Variants in FREM3 observed in about 807,000 individuals in gnomAD.
FREM3 encodes the protein FRAS1-related extracellular matrix protein 3.
Under a neutral mutation model 129.1 loss-of-function variants are expected in FREM3, and 105 were observed. That is an observed-to-expected ratio of 0.81 (90% confidence interval 0.69 to 0.96). The LOEUF (loss-of-function observed/expected upper bound fraction) is 0.96. Among genes scored for constraint, FREM3 ranks in the 40% least tolerant of loss-of-function variants. The pLI is 0.00. For synonymous variants in FREM3, 1,014 were observed against 1,044.9 expected (o/e 0.97, Z 0.57); for missense variants, 2,593 against 2,666.3 (o/e 0.97, Z 0.61).
intron 4 of FREM3, among the ~76,000 whole-genome samples, chr4:143,623,545 G>A (rs1432518680): frequency 7.1e-6 from 1 of 141,754 alleles, no homozygotes; most frequent in Non-Finnish European, 1.5e-5. Context: ...CAAAAAAAGG[G>A]GCAGCAAGCA....
At position 143,699,213 on chromosome 4, in the gene FREM3, G is replaced by C; in HGVS notation, c.1463C>G (p.Ala488Gly). Residue 488 changes from alanine to glycine, a missense_variant, in exon 1 of 8, where the codon GCT (alanine) becomes GGT (glycine). By Grantham distance (60) the Ala-to-Gly change is moderately conservative. Around this residue, in one of 2 missense-constraint regions of FREM3, gnomAD observed 2,276 missense variants for 2,267.2 expected, o/e 1.00. Transcript: ENST00000329798. The surrounding 1 kb of genome is among the most constrained non-coding windows in gnomAD (Gnocchi z 4.2). ...HGQLVVFGAP[A>G]GCKYFTPADL... The stretch of plus-strand genomic sequence containing the variant: ...CGCTGGTGTGAAATACTTGCACCCA[G>C]CAGGTGCCCCAAACACCACCAGCTG... 6.5e-7 allele frequency: 1 copy of C among 1,537,282 alleles called. No individual in the cohort carries two copies. Among genetic ancestry groups the C allele is most frequent in the East Asian group, 2.4e-5 (1 of 40,912 alleles).
At chr4:143,653,208 C>A (rs2149849467) in intron 2 of FREM3, among the ~76,000 whole-genome samples, 1 of 152,208 alleles carries the variant, frequency 6.6e-6, no homozygotes, top group East Asian at 1.9e-4. Context: ...CCAAGCCCAA[C>A]TTAGCTAGAG....
intron 6 of FREM3, 72 bp downstream of exon 6, chr4:143,611,207 C>G (rs1738749079): frequency 6.9e-7 from 1 of 1,443,210 alleles, no homozygotes; most frequent in Non-Finnish European, 9.2e-7. Flanking sequence ...GCTACATTTG[C>G]CTTTCAACTG....
At chr4:143,605,173 T>A (rs11935152) in intron 6 of FREM3, among the ~76,000 whole-genome samples, 59,860 of 151,852 alleles carry the variant, frequency 0.39, 12,110 homozygotes, top group Middle Eastern at 0.45. Flanking sequence ...GTAATTTTCT[T>A]CCTTTCTTTG....
In FREM3 at chr4:143,696,333, AGATTGTTGGTAAGG is replaced by A; in HGVS notation, c.4329_4342del (p.Leu1444AlafsTer5). The A allele has an allele frequency of 6.5e-7, 1 of 1,537,474 alleles. No individual in the cohort carries two copies. Among genetic ancestry groups the A allele is most frequent in the African/African-American group, 1.4e-5 (1 of 73,176 alleles). ...GCTGTTGATGTCACTGTTGGTAAGC[AGATTGTTGGTAAGG>A]GTCACTCTGGCACCTTCTATCAAGG... is the stretch of plus-strand genomic sequence containing the variant. On this transcript the variant is annotated frameshift_variant, in exon 1 of 8. Coordinates refer to ENST00000329798, the MANE Select transcript of FREM3 (RefSeq NM_001168235.2). LOFTEE classifies it high-confidence loss of function.
At chr4:143,616,252 A>T (rs892770638) in intron 5 of FREM3, among the ~76,000 whole-genome samples, 1 of 152,212 alleles carries the variant, frequency 6.6e-6, no homozygotes, top group South Asian at 2.1e-4. Flanking sequence ...ACATGTTCTG[A>T]TAAACAGAAA....
At chr4:143,663,801 T>C (rs1014398951) in intron 2 of FREM3, among the ~76,000 whole-genome samples, 6 of 152,118 alleles carry the variant, frequency 3.9e-5, no homozygotes, top group African/African-American at 1.4e-4. Flanking sequence ...TTCTTTTTTC[T>C]CTAAACTTCC....
intron 6 of FREM3, among the ~76,000 whole-genome samples, chr4:143,603,528 C>A (rs1416096558): frequency 1.3e-5 from 2 of 152,108 alleles, no homozygotes; most frequent in Admixed American, 1.3e-4. Flanking sequence ...CCATTTAATA[C>A]ATTCTGTAGC....
intron 6 of FREM3, among the ~76,000 whole-genome samples, chr4:143,594,014 G>T (rs1162615312): frequency 6.6e-6 from 1 of 152,210 alleles, no homozygotes; most frequent in East Asian, 1.9e-4. Context: ...TGTGGGCGTA[G>T]GACCCTCTGA....
intron 7 of FREM3, among the ~76,000 whole-genome samples, chr4:143,581,289 A>C (rs1444742273): frequency 2.0e-5 from 3 of 152,200 alleles, no homozygotes; most frequent in African/African-American, 7.2e-5. Flanking sequence ...TCCCAGAGAC[A>C]ATGCAAAACC....
At chr4:143,632,024 G>T (rs1283405354) in intron 2 of FREM3, among the ~76,000 whole-genome samples, 3 of 152,116 alleles carry the variant, frequency 2.0e-5, no homozygotes, top group African/African-American at 7.2e-5. Flanking sequence ...AATAAAAAAT[G>T]TGTTAATGCA....
intron 2 of FREM3, among the ~76,000 whole-genome samples, chr4:143,669,624 T>G (rs532630624): frequency 6.7e-6 from 1 of 149,662 alleles, no homozygotes; most frequent in Non-Finnish European, 1.5e-5. Flanking sequence ...TATGTAACAC[T>G]AATACATGTA....
intron 6 of FREM3, among the ~76,000 whole-genome samples, chr4:143,586,593 G>T (rs1013889239): frequency 1.3e-5 from 2 of 152,136 alleles, no homozygotes; most frequent in Non-Finnish European, 2.9e-5. Flanking sequence ...AAGGCTGAAG[G>T]AGAACAACCA....
intron 5 of FREM3, among the ~76,000 whole-genome samples, chr4:143,615,697 C>T (rs541300538): frequency 2.9e-5 from 4 of 138,872 alleles, no homozygotes; most frequent in African/African-American, 5.5e-5. Flanking sequence ...TAGGGAATAT[C>T]GTCAAGTGTC....
At chr4:143,636,878 A>T (rs1266203293) in intron 2 of FREM3, among the ~76,000 whole-genome samples, 1 of 152,164 alleles carries the variant, frequency 6.6e-6, no homozygotes, top group African/African-American at 2.4e-5. Flanking sequence ...TCAAATGTTA[A>T]ATGTTTATGA....
intron 2 of FREM3, among the ~76,000 whole-genome samples, chr4:143,639,392 A>G (rs1258944681): frequency 6.6e-6 from 1 of 152,082 alleles, no homozygotes. Context: ...ACCGCTAACT[A>G]AAGGTGTGGC....
At position 143,698,147 on chromosome 4, in the gene FREM3, G is replaced by T. The variant is rs1342771055; in HGVS notation, c.2529C>A (p.Gly843=). 1.3e-6 allele frequency: 2 copies of T among 1,537,460 alleles called. No homozygotes were observed. The highest frequency in any genetic ancestry group is 8.7e-7 in the Non-Finnish European group (1 of 1,146,952). Reference sequence around the variant, plus strand: ...GCTCATTACTGCTGAGGTTAAAGCTGCCTCCCTCTAAGATAGCAAAGCCTC... The same window carrying T: ...GCTCATTACTGCTGAGGTTAAAGCTTCCTCCCTCTAAGATAGCAAAGCCTC... ...TNRGFAILEG[G]SFNLSSNELH... is the part of the protein sequence containing the mutation. Residue 843 remains glycine (G), a synonymous_variant, in exon 1 of 8, where the codon GGC becomes GGA. Transcript: ENST00000329798.
chr4:143,674,333 G>A (rs1368085105), intron 2 of FREM3, among the ~76,000 whole-genome samples: 1 of 152,080 alleles, frequency 6.6e-6, no homozygotes, highest in East Asian at 1.9e-4. Context: ...TTACAGACAA[G>A]CAACTGCTGA....
chr4:143,696,421 T>C lies in FREM3; in HGVS notation c.4255A>G (p.Ile1419Val). 1 of 1,537,612 alleles carries C rather than the reference T, an allele frequency of 6.5e-7. No individual in the cohort carries two copies. Among genetic ancestry groups the C allele is most frequent in the Non-Finnish European group, 8.7e-7 (1 of 1,146,972 alleles). ...GGGAAGACGCTGTCTAAGTTGCCAA[T>C]GGTGACATAGAAGTAGTGGTCTGTC... ...TLTDHYFYVT[I>V]GNLDSVFPEV... is the part of the protein sequence containing the mutation. The change falls in exon 1 of 8, where the codon ATT becomes GTT. Residue 1419 changes from isoleucine to valine, a missense_variant. Transcript: ENST00000329798.
Sources: gnomAD v4.1 joint callset for allele counts (sites outside exome capture counted in the v4.1 genomes callset) on GRCh38, gnomAD v4.1.1 for gene constraint, gnomAD v4.1.1 regional missense constraint, Gnocchi (gnomAD v3.1) non-coding constraint, MANE v1.5 for transcripts, NCBI Gene and HGNC (gene_info 2026-07-23, HGNC 2026-07-21) for gene names.